The following LMBR1 variants were observed in gnomAD, a reference collection of about 807,000 sequenced individuals.
LMBR1 encodes the protein limb development membrane protein 1.
Under a neutral mutation model 73.9 loss-of-function variants are expected in LMBR1, and 52 were observed. The observed-to-expected ratio is 0.70, with a 90% CI of 0.56 to 0.89. The LOEUF is 0.89. Among genes scored for constraint, LMBR1 ranks in the 40% least tolerant of loss-of-function variants. The pLI, the probability that LMBR1 is intolerant of heterozygous loss-of-function variation, is 0.00. For missense variants in LMBR1, 539 were observed against 579.8 expected, an observed-to-expected ratio of 0.93 and a Z score of 0.72; for synonymous variants, 215 against 209.4, an observed-to-expected ratio of 1.03 and a Z score of -0.23.
chr7:156,815,335 T>C (rs143566094), intron 4 of LMBR1, among the ~76,000 whole-genome samples: 409 of 152,054 alleles, frequency 2.7e-3, no homozygotes, highest in Non-Finnish European at 4.2e-3. Context: ...GCAAAACCTA[T>C]ATACATAGGT....
intron 5 of LMBR1, among the ~76,000 whole-genome samples, chr7:156,771,684 G>C (rs1825216312): frequency 6.6e-6 from 1 of 152,034 alleles, no homozygotes; most frequent in African/African-American, 2.4e-5. Flanking sequence ...CATTCCTACT[G>C]AAACTATTCC....
chr7:156,728,799 A>T lies in LMBR1; in HGVS notation c.839-79T>A, dbSNP rs6459703. 143,916 of 996,330 alleles carry T rather than the reference A, an allele frequency of 0.14. 11,390 individuals carry two copies. Among genetic ancestry groups the T allele is most frequent in the African/African-American group, 0.3 (18,093 of 60,322 alleles). The allele number at this position is 996,330 out of a possible 1,614,324, so 61.7% of individuals were successfully genotyped here. A position where few individuals can be genotyped will look rare whatever the true frequency, so the allele number is the denominator to read the frequency against. ...CTTCCATAATGCTATAATCTGTTTTATACATAATTTCTTTTTAAAAAACAT... is the reference window on the plus strand; with the variant it reads ...CTTCCATAATGCTATAATCTGTTTTTTACATAATTTCTTTTTAAAAAACAT... On this transcript the variant is annotated intron_variant, in intron 10 of 16. Coordinates refer to ENST00000353442, the MANE Select transcript of LMBR1 (RefSeq NM_022458.4).
intron 1 of LMBR1, among the ~76,000 whole-genome samples, chr7:156,848,983 G>A (rs1795889347): frequency 1.3e-5 from 2 of 150,044 alleles, no homozygotes; most frequent in Non-Finnish European, 1.5e-5. Context: ...ACTACCATTT[G>A]ACCCAGCAAT....
intron 5 of LMBR1, among the ~76,000 whole-genome samples, chr7:156,794,771 C>G (rs563632766): frequency 3.3e-5 from 5 of 152,206 alleles, no homozygotes; most frequent in Non-Finnish European, 7.4e-5. Flanking sequence ...TGAAAGCAAA[C>G]GTCGGCAGGC....
chr7:156,810,876 T>C (rs1832975809), intron 4 of LMBR1, among the ~76,000 whole-genome samples: 1 of 151,760 alleles, frequency 6.6e-6, no homozygotes, highest in South Asian at 2.1e-4. Context: ...TGGCGCAATC[T>C]TGGCTCACTA....
chr7:156,777,349 G>A (rs1414231539), intron 5 of LMBR1, among the ~76,000 whole-genome samples: 1 of 151,946 alleles, frequency 6.6e-6, no homozygotes, highest in Non-Finnish European at 1.5e-5. Flanking sequence ...GCTGAGTGGG[G>A]TCTGTGAGTC....
intron 5 of LMBR1, among the ~76,000 whole-genome samples, chr7:156,778,407 G>C (rs931638194): frequency 6.6e-6 from 1 of 152,182 alleles, no homozygotes; most frequent in South Asian, 2.1e-4. Flanking sequence ...TGGGAGGCTA[G>C]GATAGTTAAG....
chr7:156,846,563 T>C (rs1217632930), intron 1 of LMBR1, among the ~76,000 whole-genome samples: 1 of 152,178 alleles, frequency 6.6e-6, no homozygotes, highest in African/African-American at 2.4e-5. Context: ...GGAGAGAGAT[T>C]GCATGTTCAT....
intron 9 of LMBR1, among the ~76,000 whole-genome samples, chr7:156,753,162 C>G (rs900319828): frequency 2.0e-5 from 3 of 151,968 alleles, no homozygotes; most frequent in African/African-American, 7.3e-5. Flanking sequence ...GTGAGGCAGA[C>G]AACCACAGGG....
At chr7:156,805,951 A>G in intron 4 of LMBR1, among the ~76,000 whole-genome samples, 1 of 152,204 alleles carries the variant, frequency 6.6e-6, no homozygotes, top group East Asian at 1.9e-4. Flanking sequence ...GCGAGGAGAC[A>G]ACCATCCGTG....
At chr7:156,803,453 C>T (rs917530213) in intron 4 of LMBR1, among the ~76,000 whole-genome samples, 18 of 152,120 alleles carry the variant, frequency 1.2e-4, no homozygotes, top group Admixed American at 8.5e-4. Context: ...CACAATGAGA[C>T]ACCATCTCAC....
intron 1 of LMBR1, among the ~76,000 whole-genome samples, chr7:156,887,873 AAAG>A (rs1367798856): frequency 2.0e-5 from 3 of 152,254 alleles, no homozygotes; most frequent in African/African-American, 4.8e-5. Context: ...ATATTTCTCC[AAAG>A]AAGATGTCCA....
In LMBR1 at chr7:156,721,780, A is replaced by T. The variant is rs567861395; in HGVS notation, c.1225+2332T>A. Among the ~76,000 whole-genome samples, 4 of 152,228 alleles carry T rather than the reference A, an allele frequency of 2.6e-5. No homozygotes were observed. The South Asian group carries it at 8.3e-4, about 32-fold the overall frequency. On this transcript the variant is annotated intron_variant, in intron 15 of 16. Transcript: ENST00000353442. ...TGGTCAAAATTTTTCTCACAACTTAATTCTTTGTGGCAAGAAATATGCTTA... is the reference window on the plus strand; with the variant it reads ...TGGTCAAAATTTTTCTCACAACTTATTTCTTTGTGGCAAGAAATATGCTTA...
Position 156,684,012 on chromosome 7 carries a change from G to A in LMBR1, c.*66C>T. ...GGTTGAATGGAAATGCTTCTACATG[G>A]GACAGGAATGTCGTGAATCTGGAGT... On this transcript the variant is annotated 3_prime_UTR_variant, in exon 17 of 17. Transcript: ENST00000353442. 1.5e-6 allele frequency: 2 copies of A among 1,290,748 alleles called. No individual in the cohort carries two copies. Among genetic ancestry groups the A allele is most frequent in the Admixed American group, 1.7e-5 (1 of 58,070 alleles). The allele number at this position is 1,290,748 out of a possible 1,614,324, so 80.0% of individuals were successfully genotyped here.
intron 3 of LMBR1, among the ~76,000 whole-genome samples, chr7:156,829,829 T>C (rs1025979780): frequency 6.6e-6 from 1 of 152,200 alleles, no homozygotes; most frequent in African/African-American, 2.4e-5. Flanking sequence ...TGTGCCGATC[T>C]CTACCTCTGC....
At chr7:156,705,143 G>T (rs1163501584) in intron 15 of LMBR1, among the ~76,000 whole-genome samples, 1 of 152,200 alleles carries the variant, frequency 6.6e-6, no homozygotes, top group African/African-American at 2.4e-5. Flanking sequence ...ATTATAATCA[G>T]ATTGTCGAAA....
intron 10 of LMBR1, 142 bp from the exon 11 acceptor site, chr7:156,728,862 T>C: frequency 1.6e-6 from 1 of 636,728 alleles, no homozygotes. Flanking sequence ...CTAAAAAAAC[T>C]ACAGATAGGG....
Position 156,725,429 on chromosome 7 carries a change from C to A in LMBR1, c.1158+6G>T. 1.3e-6 allele frequency: 2 copies of A among 1,579,432 alleles called. No homozygotes were observed. Among genetic ancestry groups the A allele is most frequent in the Non-Finnish European group, 8.7e-7 (1 of 1,155,066 alleles). On this transcript the variant is annotated splice_donor_region_variant and intron_variant, in intron 14 of 16. Transcript: ENST00000353442. ...GAGGCCACAGTCACCTAAGATTCTACCTTACCTTTGTCATAGTTGTGTCAT... is the reference window on the plus strand; with the variant it reads ...GAGGCCACAGTCACCTAAGATTCTAACTTACCTTTGTCATAGTTGTGTCAT...
At chr7:156,828,224 C>T (rs1836047632) in intron 3 of LMBR1, among the ~76,000 whole-genome samples, 1 of 152,160 alleles carries the variant, frequency 6.6e-6, no homozygotes, top group South Asian at 2.1e-4. Flanking sequence ...TACCTAACCC[C>T]CTCATAGCCC....
Sources: allele counts gnomAD v4.1 joint callset (sites outside exome capture counted in the v4.1 genomes callset), GRCh38; gene constraint gnomAD v4.1.1; transcripts MANE v1.5; gene names NCBI Gene and HGNC (gene_info 2026-07-23, HGNC 2026-07-21).